Variants in OLA1 observed in about 807,000 individuals in gnomAD.
OLA1 encodes Obg like ATPase 1.
Under a neutral mutation model 48.4 loss-of-function variants are expected in OLA1, and 14 were observed. The ratio of observed to expected loss-of-function variants is 0.29; its 90% CI spans 0.19 to 0.45. The LOEUF (loss-of-function observed/expected upper bound fraction) is 0.45. OLA1 is among the 20% of genes least tolerant of loss of function. The pLI is 1.00. For missense variants in OLA1, 325 were observed against 467.1 expected, an observed-to-expected ratio of 0.70 and a Z score of 2.80; for synonymous variants, 127 against 150.4, an observed-to-expected ratio of 0.84 and a Z score of 1.14.
intron 7 of OLA1, among the ~76,000 whole-genome samples, chr2:174,092,139 A>G (rs1455347642): frequency 1.8e-5 from 2 of 110,100 alleles, no homozygotes; most frequent in Admixed American, 8.9e-5. Context: ...AAAAAAAAAA[A>G]AAAGAAAGAA....
At chr2:174,195,750 T>A (rs756626809) in intron 4 of OLA1, among the ~76,000 whole-genome samples, 3 of 152,208 alleles carry the variant, frequency 2.0e-5, no homozygotes, top group Non-Finnish European at 4.4e-5. Context: ...TTAGAAAACA[T>A]CCTTATACTA....
At chr2:174,104,102 CA>C (rs1685459422) in intron 7 of OLA1, among the ~76,000 whole-genome samples, 1 of 151,250 alleles carries the variant, frequency 6.6e-6, no homozygotes, top group African/African-American at 2.4e-5. Flanking sequence ...ACAAAGTACA[CA>C]CAGTGTAATT....
At chr2:174,198,945 T>C (rs147136209) in intron 4 of OLA1, among the ~76,000 whole-genome samples, 1 of 152,366 alleles carries the variant, frequency 6.6e-6, no homozygotes, top group Non-Finnish European at 1.5e-5. Flanking sequence ...GGTCATATTG[T>C]ACTTGGTCAA....
intron 4 of OLA1, among the ~76,000 whole-genome samples, chr2:174,190,519 T>C (rs1171746995): frequency 2.6e-5 from 4 of 151,750 alleles, no homozygotes; most frequent in Non-Finnish European, 4.4e-5. Flanking sequence ...ATTTGAAATA[T>C]ATGAAATATA....
At chr2:174,086,867 G>C (rs1684988690) in intron 7 of OLA1, among the ~76,000 whole-genome samples, 1 of 152,154 alleles carries the variant, frequency 6.6e-6, no homozygotes, top group Non-Finnish European at 1.5e-5. Flanking sequence ...ACGGCAGAAA[G>C]CAAAACTGCA....
At chr2:174,247,026 C>A in intron 1 of OLA1, 1 of 348,106 alleles carries the variant, frequency 2.9e-6, no homozygotes, top group Non-Finnish European at 5.2e-6. Flanking sequence ...TCAAAAGAGT[C>A]ATTGCTGAGA....
intron 4 of OLA1, among the ~76,000 whole-genome samples, chr2:174,151,937 C>T (rs1243105182): frequency 6.6e-6 from 1 of 152,092 alleles, no homozygotes; most frequent in African/African-American, 2.4e-5. Context: ...TAGTTTAAGC[C>T]CTGGTTTACA....
chr2:174,141,921 C>T lies in OLA1; in HGVS notation c.453G>A (p.Glu151=), dbSNP rs757250739. Residue 151 remains glutamate, a synonymous_variant, in exon 5 of 11, where the codon GAG becomes GAA. Coordinates refer to ENST00000284719, the MANE Select transcript of OLA1 (RefSeq NM_013341.5). ...TCATTTCCTCATCTTTAAGCTGAAGCTCTTCATGTATTATTTCTATATCTC... is the reference window on the plus strand; with the variant it reads ...TCATTTCCTCATCTTTAAGCTGAAGTTCTTCATGTATTATTTCTATATCTC... ...PIRDIEIIHE[E]LQLKDEEMIG... The T allele has an allele frequency of 1.2e-6, 2 of 1,612,838 alleles. No individual in the cohort carries two copies. Among genetic ancestry groups the T allele is most frequent in the Non-Finnish European group, 1.7e-6 (2 of 1,179,480 alleles).
At chr2:174,246,869 C>G in intron 1 of OLA1, 54 bp from the exon 2 acceptor site, 2 of 996,866 alleles carry the variant, frequency 2.0e-6, no homozygotes, top group Non-Finnish European at 3.2e-6. Flanking sequence ...CACATGGACC[C>G]AAAACACATT....
intron 4 of OLA1, among the ~76,000 whole-genome samples, chr2:174,203,625 A>G (rs1688040526): frequency 6.6e-6 from 1 of 151,586 alleles, no homozygotes; most frequent in Non-Finnish European, 1.5e-5. Flanking sequence ...AAACAGTTCT[A>G]TTCTCGGGAC....
At chr2:174,158,927 C>T (rs892208951) in intron 4 of OLA1, among the ~76,000 whole-genome samples, 2 of 152,154 alleles carry the variant, frequency 1.3e-5, no homozygotes, top group Non-Finnish European at 2.9e-5. Flanking sequence ...CTAATCCCCC[C>T]ACCATGGGAT....
At chr2:174,146,475 T>C (rs1686602582) in intron 4 of OLA1, among the ~76,000 whole-genome samples, 1 of 152,204 alleles carries the variant, frequency 6.6e-6, no homozygotes, top group Non-Finnish European at 1.5e-5. Flanking sequence ...TAGGACTATA[T>C]TTTAGAGATA....
intron 5 of OLA1, among the ~76,000 whole-genome samples, chr2:174,137,737 T>C (rs1406018105): frequency 6.6e-6 from 1 of 152,242 alleles, no homozygotes; most frequent in Admixed American, 6.5e-5. Context: ...CCAACTTTTC[T>C]TCTGCAGCTT....
chr2:174,100,663 C>A (rs902823737), intron 7 of OLA1, among the ~76,000 whole-genome samples: 1 of 152,042 alleles, frequency 6.6e-6, no homozygotes, highest in Non-Finnish European at 1.5e-5. Context: ...GCCTCAGCCT[C>A]CAGAAAAAAA....
chr2:174,136,970 C>T (rs1408891796), intron 5 of OLA1, among the ~76,000 whole-genome samples: 3 of 152,116 alleles, frequency 2.0e-5, no homozygotes, highest in African/African-American at 4.8e-5. Flanking sequence ...CCACCACGCC[C>T]GGCCATGAAA....
intron 4 of OLA1, among the ~76,000 whole-genome samples, chr2:174,147,422 C>T (rs1194479661): frequency 7.9e-5 from 12 of 151,510 alleles, no homozygotes; most frequent in South Asian, 2.1e-4. Flanking sequence ...AGCGAAACTC[C>T]GTCTCAAAAA....
At chr2:174,160,664 C>T (rs763227375) in intron 4 of OLA1, among the ~76,000 whole-genome samples, 5 of 152,148 alleles carry the variant, frequency 3.3e-5, no homozygotes, top group African/African-American at 4.8e-5. Context: ...CATTTTCAAG[C>T]CGTCTTTGTG....
intron 2 of OLA1, among the ~76,000 whole-genome samples, chr2:174,237,082 T>C (rs1024417014): frequency 1.4e-4 from 22 of 152,246 alleles, no homozygotes; most frequent in Admixed American, 7.8e-4. Flanking sequence ...TCTTTTGTAA[T>C]AACACTTAGC....
At chr2:174,136,101 G>A (rs779592296) in intron 5 of OLA1, among the ~76,000 whole-genome samples, 4 of 152,200 alleles carry the variant, frequency 2.6e-5, no homozygotes, top group Non-Finnish European at 2.9e-5. Flanking sequence ...GTGGAGGGTC[G>A]TGCCTTAATG....
Sources: gnomAD v4.1 joint callset for allele counts (sites outside exome capture counted in the v4.1 genomes callset) on GRCh38, gnomAD v4.1.1 for gene constraint, MANE v1.5 for transcripts, NCBI Gene and HGNC (gene_info 2026-07-23, HGNC 2026-07-21) for gene names.